The following MTOR variants were observed in gnomAD, a reference collection of about 807,000 sequenced individuals.
MTOR encodes the protein serine/threonine-protein kinase mTOR.
In MTOR, 70 loss-of-function variants were observed where a neutral mutation model predicts 319.8. That is an observed-to-expected ratio of 0.22 (90% CI 0.18 to 0.27). The LOEUF is 0.27. Among genes scored for constraint, MTOR ranks in the 10% least tolerant of loss-of-function variants. The probability of loss-of-function intolerance (pLI) is 1.00; values close to 1 mark genes in which losing one functional copy is unlikely to be tolerated. For missense variants in MTOR, 1,890 were observed against 3,274.4 expected (o/e 0.58, Z 10.32); for synonymous variants, 1,183 against 1,211.4 (o/e 0.98, Z 0.49).
At position 11,133,218 on chromosome 1, in the gene MTOR, C is replaced by A; in HGVS notation, c.5247-21G>T. On this transcript the variant is annotated intron_variant, in intron 37 of 57. Transcript: ENST00000361445. The surrounding 1 kb of genome is among the most constrained non-coding windows in gnomAD (Gnocchi z 4.0). Reference sequence around the variant, plus strand: ...AGCATCTGGAAGCAGAGAAACAAGCCCCCATGACATTCCCTCCTCAAAACA... The same window carrying A: ...AGCATCTGGAAGCAGAGAAACAAGCACCCATGACATTCCCTCCTCAAAACA... 6.2e-7 allele frequency: 1 copy of A among 1,605,284 alleles called. No homozygotes were observed. Among genetic ancestry groups the A allele is most frequent in the Non-Finnish European group, 8.5e-7 (1 of 1,172,058 alleles).
At chr1:11,213,597 G>A in intron 20 of MTOR, 31 bp from the exon 21 acceptor site, 1 of 1,604,694 alleles carries the variant, frequency 6.2e-7, no homozygotes, top group Non-Finnish European at 8.5e-7. Context: ...GAGGAGCTGA[G>A]TCAGGTCCCT....
chr1:11,191,626 C>A (rs1172736317), intron 28 of MTOR, among the ~76,000 whole-genome samples: 3 of 152,100 alleles, frequency 2.0e-5, no homozygotes, highest in Admixed American at 2.0e-4. Context: ...AGCTCCATGG[C>A]CCTAGAGTAA....
intron 29 of MTOR, among the ~76,000 whole-genome samples, chr1:11,161,388 A>AACTG (rs1285473501): frequency 6.6e-6 from 1 of 152,174 alleles, no homozygotes; most frequent in Non-Finnish European, 1.5e-5. Context: ...AGGCAGCAGA[A>AACTG]ACTGCTGCAG....
At chr1:11,130,064 A>G (rs1643037384) in intron 39 of MTOR, among the ~76,000 whole-genome samples, 1 of 152,242 alleles carries the variant, frequency 6.6e-6, no homozygotes, top group African/African-American at 2.4e-5. Flanking sequence ...CTTCCTGAAC[A>G]GGATGGAGGG....
In MTOR at chr1:11,157,217, G is replaced by A. The variant is rs1644346821; in HGVS notation, c.4404C>T (p.Asp1468=). The A allele has an allele frequency of 6.2e-7, 1 of 1,613,966 alleles. No individual in the cohort carries two copies. The highest frequency in any genetic ancestry group is 1.1e-5 in the South Asian group (1 of 91,066). The change falls in exon 30 of 58, where the codon GAC becomes GAT. Residue 1468 remains aspartate (D), a synonymous_variant. Transcript: ENST00000361445. ...DALVAYDKKM[D]TNKDDPELML... ...TCAGCTCTGGGTCGTCCTTGTTGGT[G>A]TCCATTTTCTTGTCATAGGCCACAA...
In MTOR at chr1:11,210,208, G is replaced by A. The variant is rs139602822; in HGVS notation, c.3654+606C>T. Among the ~76,000 whole-genome samples the A allele has an allele frequency of 8.9e-3, 1,354 of 152,294 alleles. 26 individuals carry two copies. The highest frequency in any genetic ancestry group is 0.03 in the African/African-American group (1,263 of 41,556). ...GATAGGGTCTCACTCTGCCACCCAG[G>A]CTGGAGTGCACTGGTGCAATCACAG... On this transcript the variant is annotated intron_variant, in intron 24 of 57. Coordinates refer to ENST00000361445, the MANE Select transcript of MTOR (RefSeq NM_004958.4).
intron 32 of MTOR, among the ~76,000 whole-genome samples, chr1:11,146,245 G>C (rs1279247365): frequency 6.6e-6 from 1 of 152,186 alleles, no homozygotes; most frequent in African/African-American, 2.4e-5. Flanking sequence ...CTGCAAGTCA[G>C]CATACTATTT....
intron 28 of MTOR, chr1:11,195,631 A>C (rs1645757628): frequency 6.5e-6 from 1 of 154,028 alleles, no homozygotes; most frequent in Non-Finnish European, 1.4e-5. Context: ...TCTGGCGATC[A>C]GACTCTGAGC....
intron 30 of MTOR, among the ~76,000 whole-genome samples, chr1:11,154,627 T>G (rs867250189): frequency 2.0e-5 from 3 of 151,982 alleles, no homozygotes; most frequent in Admixed American, 6.6e-5. Flanking sequence ...AGTAATAACT[T>G]TATATTAAGA....
intron 20 of MTOR, 75 bp from the exon 21 acceptor site, chr1:11,213,641 G>T: frequency 6.9e-7 from 1 of 1,438,974 alleles, no homozygotes; most frequent in Non-Finnish European, 9.5e-7. Flanking sequence ...AATCAAGATG[G>T]CCAGAAAAGC....
At chr1:11,232,973 CA>C in intron 15 of MTOR, 1 of 826,484 alleles carries the variant, frequency 1.2e-6, no homozygotes. Flanking sequence ...ATTCTTCTCA[CA>C]AGACTTTCAG....
At chr1:11,108,086 C>CG in intron 57 of MTOR, 95 bp downstream of exon 57, 1 of 922,122 alleles carries the variant, frequency 1.1e-6, no homozygotes, top group Non-Finnish European at 1.7e-6. Context: ...TTTACAGATA[C>CG]CTCACCAAAT....
chr1:11,139,710 G>T, intron 34 of MTOR, 52 bp from the exon 35 acceptor site: 7 of 1,610,186 alleles, frequency 4.3e-6, no homozygotes, highest in Non-Finnish European at 5.9e-6. Context: ...CATTGTTTTT[G>T]TGGCAGAGTC....
intron 36 of MTOR, among the ~76,000 whole-genome samples, chr1:11,135,904 G>A (rs1228028737): frequency 6.6e-6 from 1 of 151,818 alleles, no homozygotes; most frequent in African/African-American, 2.4e-5. Flanking sequence ...GGAGGCCAAG[G>A]TGGGTGGATC....
chr1:11,177,448 T>C (rs150636952), intron 28 of MTOR, among the ~76,000 whole-genome samples: 10 of 152,064 alleles, frequency 6.6e-5, no homozygotes, highest in South Asian at 2.1e-4. Flanking sequence ...GTCCCAGCTA[T>C]TTGGGAGACT....
rs1396891365 is a variant in MTOR at position 11,127,238 on chromosome 1, G to A, written c.6217-94C>T. 5.9e-6 allele frequency: 9 copies of A among 1,531,440 alleles called. No homozygotes were observed. The highest frequency in any genetic ancestry group is 8.0e-6 in the Non-Finnish European group (9 of 1,130,760). The allele number at this position is 1,531,440 out of a possible 1,614,324, so 94.9% of individuals were successfully genotyped here. ...GGCTGACTGCAGATATTCCTCAGGA[G>A]CCCGCTGTGGCCTGAAAACACTGGC... On this transcript the variant is annotated intron_variant, in intron 44 of 57. Coordinates refer to ENST00000361445, the MANE Select transcript of MTOR (RefSeq NM_004958.4). This position sits in a 1 kb window ranked among gnomAD's most constrained non-coding sequence, Gnocchi z 5.5.
chr1:11,248,004 G>C lies in MTOR; in HGVS notation c.931C>G (p.Arg311Gly). The C allele has an allele frequency of 6.2e-7, 1 of 1,614,136 alleles. No homozygotes were observed. The highest frequency in any genetic ancestry group is 1.3e-5 in the African/African-American group (1 of 75,032). ...AAACTGGTGAAGGGGGTAATGTGAC[G>C]AGGTTTTGTTCCGAAGCCCATGAGA... Reference protein sequence around the residue: ...KDLMGFGTKPRHITPFTSFQA... With the variant: ...KDLMGFGTKPGHITPFTSFQA... Residue 311 changes from arginine to glycine, a missense_variant, in exon 7 of 58, where the codon CGT (arginine) becomes GGT (glycine). Physicochemically the swap from Arg to Gly is moderately radical, Grantham distance 125. This residue lies in a region of MTOR where 418 missense variants were observed against 543.1 expected (regional missense o/e 0.77). Coordinates refer to ENST00000361445, the MANE Select transcript of MTOR (RefSeq NM_004958.4).
At chr1:11,241,710 A>T in intron 9 of MTOR, 29 bp from the exon 10 acceptor site, 1 of 1,593,626 alleles carries the variant, frequency 6.3e-7, no homozygotes, top group Non-Finnish European at 8.6e-7. Flanking sequence ...TGGCTAGTTG[A>T]GACATAATGA....
chr1:11,121,945 A>G lies in MTOR; in HGVS notation c.6810+34T>C. On this transcript the variant is annotated intron_variant, in intron 48 of 57. Coordinates refer to ENST00000361445, the MANE Select transcript of MTOR (RefSeq NM_004958.4). This position sits in a 1 kb window ranked among gnomAD's most constrained non-coding sequence, Gnocchi z 4.9. ...GCGCTACGGAGATTCCCTGCCACGG[A>G]AGGGGCACTAGCTCTCGTGGCCGCA... The G allele has an allele frequency of 6.2e-7, 1 of 1,609,530 alleles. No individual in the cohort carries two copies. Among genetic ancestry groups the G allele is most frequent in the Non-Finnish European group, 8.5e-7 (1 of 1,176,710 alleles).
Sources: allele counts gnomAD v4.1 joint callset (sites outside exome capture counted in the v4.1 genomes callset), GRCh38; gene constraint gnomAD v4.1.1; regional missense constraint gnomAD v4.1.1; non-coding constraint Gnocchi (gnomAD v3.1); transcripts MANE v1.5; gene names NCBI Gene and HGNC (gene_info 2026-07-23, HGNC 2026-07-21).